ADAM10: variants seen among roughly 807,000 people sequenced by gnomAD.
The protein encoded by ADAM10 is disintegrin and metalloproteinase domain-containing protein 10.
A neutral mutation model predicts 90.1 loss-of-function variants in ADAM10; 17 were observed. The ratio of observed to expected loss-of-function variants is 0.19; its 90% CI spans 0.13 to 0.28. The LOEUF (loss-of-function observed/expected upper bound fraction) is 0.28. Among genes scored for constraint, ADAM10 ranks in the 10% least tolerant of loss-of-function variants. The pLI is 1.00. For synonymous variants in ADAM10, 310 were observed against 298.6 expected (o/e 1.04, Z -0.40); for missense variants, 610 against 914.3 (o/e 0.67, Z 4.29).
At chr15:58,734,764 C>A (rs1189613307) in intron 1 of ADAM10, among the ~76,000 whole-genome samples, 2 of 151,172 alleles carry the variant, frequency 1.3e-5, no homozygotes, top group Non-Finnish European at 3.0e-5. Context: ...TGGCAAAAAC[C>A]TTTCAAAAAC....
At chr15:58,743,651 C>A (rs1899686637) in intron 1 of ADAM10, among the ~76,000 whole-genome samples, 2 of 149,370 alleles carry the variant, frequency 1.3e-5, no homozygotes, top group Admixed American at 6.6e-5. Context: ...GTCGCCCAGG[C>A]TAGAGTGCAG....
Position 58,592,016 on chromosome 15 carries a change from C to T in ADAM10, c.*5531G>A, listed in dbSNP as rs1388325764. 6.6e-6 allele frequency: 1 copy of T among 152,200 alleles called. No homozygotes were observed. Among genetic ancestry groups the T allele is most frequent in the Non-Finnish European group, 1.5e-5 (1 of 68,060 alleles). 9.4% of individuals were successfully genotyped at this position (152,200 alleles called of 1,614,324 possible). On this transcript the variant is annotated 3_prime_UTR_variant, in exon 16 of 16. Transcript: ENST00000260408. ...CTGTTGTTGAAGCAGGACCATATGTCTTGTAGTTTTCCAGAGTCTGGATTT... is the reference window on the plus strand; with the variant it reads ...CTGTTGTTGAAGCAGGACCATATGTTTTGTAGTTTTCCAGAGTCTGGATTT...
At chr15:58,666,644 A>G (rs888914035) in intron 4 of ADAM10, among the ~76,000 whole-genome samples, 6 of 152,020 alleles carry the variant, frequency 3.9e-5, no homozygotes, top group Non-Finnish European at 8.8e-5. Flanking sequence ...AAACTCACTT[A>G]CCATTGGTTA....
chr15:58,653,993 C>CAT (rs1896749986), intron 5 of ADAM10, among the ~76,000 whole-genome samples: 1 of 152,052 alleles, frequency 6.6e-6, no homozygotes, highest in Non-Finnish European at 1.5e-5. Context: ...AATTTATTGG[C>CAT]ATATAGTTGC....
chr15:58,637,017 C>A (rs777955734), intron 8 of ADAM10, among the ~76,000 whole-genome samples: 6 of 152,148 alleles, frequency 3.9e-5, no homozygotes, highest in Non-Finnish European at 7.4e-5. Context: ...GCATTAAATG[C>A]CAATAGCAAG....
At chr15:58,597,976 A>G (rs1475382527) in intron 15 of ADAM10, among the ~76,000 whole-genome samples, 2 of 152,306 alleles carry the variant, frequency 1.3e-5, no homozygotes, top group Non-Finnish European at 1.5e-5. Context: ...GCACATTTCA[A>G]TGGAAACTAG....
chr15:58,728,666 T>A (rs930141055), intron 1 of ADAM10, among the ~76,000 whole-genome samples: 4 of 152,178 alleles, frequency 2.6e-5, no homozygotes, highest in African/African-American at 9.7e-5. Context: ...TTCCCTAAGA[T>A]ATAAAATTTA....
At chr15:58,711,240 AT>A (rs1898464053) in intron 2 of ADAM10, among the ~76,000 whole-genome samples, 1 of 152,228 alleles carries the variant, frequency 6.6e-6, no homozygotes, top group Admixed American at 6.5e-5. Context: ...CAAATCACAT[AT>A]TACATAAAAA....
rs1898710970 is a variant in ADAM10, at chr15:58,717,740, AAC to A, written c.56-15_56-14del. 1 of 1,608,606 alleles carries A rather than the reference AAC, an allele frequency of 6.2e-7. No individual in the cohort carries two copies. ...TTCCCATACTGACCTATAAAAAAAA[AAC>A]AACATTCTGAATTAGTATCATCTTG... is the stretch of plus-strand genomic sequence containing the variant. On this transcript the variant is annotated splice_polypyrimidine_tract_variant and intron_variant, in intron 1 of 15. Coordinates refer to ENST00000260408, the MANE Select transcript of ADAM10 (RefSeq NM_001110.4).
In ADAM10 at chr15:58,611,047, C is replaced by T. The variant is rs1895424921; in HGVS notation, c.1756G>A (p.Asp586Asn). Residue 586 changes from aspartate (D) to asparagine (N), a missense_variant, in exon 13 of 16, where the codon GAT becomes AAT. Asp to Asn is a conservative substitution (Grantham distance 23). This residue lies in a region of ADAM10 where 150 missense variants were observed against 268.5 expected (regional missense o/e 0.56). Transcript: ENST00000260408. ...CATAATTCTTTATCATCTTTGCCAT[C>T]AGAACTGGCACACGTACACTCCTCT... ...GLEECTCASS[D>N]GKDDKELCHV... 6.2e-7 allele frequency: 1 copy of T among 1,613,792 alleles called. No homozygotes were observed. The highest frequency in any genetic ancestry group is 1.3e-5 in the African/African-American group (1 of 74,910).
At chr15:58,739,394 G>A (rs1899530858) in intron 1 of ADAM10, among the ~76,000 whole-genome samples, 1 of 151,468 alleles carries the variant, frequency 6.6e-6, no homozygotes, top group South Asian at 2.1e-4. Flanking sequence ...GCAGGTGCTT[G>A]TAGTCCCAGC....
chr15:58,621,894 G>C (rs1353099519), intron 10 of ADAM10, among the ~76,000 whole-genome samples: 5 of 152,060 alleles, frequency 3.3e-5, no homozygotes, highest in African/African-American at 1.2e-4. Context: ...TTGCAACTTA[G>C]GCCATGCTAC....
chr15:58,600,106 GT>G (rs1895068434), intron 14 of ADAM10, among the ~76,000 whole-genome samples: 1 of 139,800 alleles, frequency 7.2e-6, no homozygotes, highest in Admixed American at 6.8e-5. Flanking sequence ...TATTGCCTTT[GT>G]TTTTTCCCCT....
chr15:58,702,284 G>A (rs1436807755), intron 2 of ADAM10, among the ~76,000 whole-genome samples: 1 of 152,168 alleles, frequency 6.6e-6, no homozygotes, highest in Non-Finnish European at 1.5e-5. Context: ...ATAGATACCA[G>A]TGGCTAGCAA....
chr15:58,717,199 T>G (rs1898688925), intron 2 of ADAM10, among the ~76,000 whole-genome samples: 1 of 152,080 alleles, frequency 6.6e-6, no homozygotes, highest in African/African-American at 2.4e-5. Context: ...TAAAACTGAG[T>G]AAATGATGTA....
chr15:58,726,726 A>G (rs1440158654), intron 1 of ADAM10, among the ~76,000 whole-genome samples: 1 of 151,958 alleles, frequency 6.6e-6, no homozygotes, highest in Non-Finnish European at 1.5e-5. Flanking sequence ...CCAGCTGAGT[A>G]CATTAGTGTG....
At chr15:58,681,971 T>G (rs757566997) in intron 3 of ADAM10, among the ~76,000 whole-genome samples, 24 of 152,114 alleles carry the variant, frequency 1.6e-4, no homozygotes, top group Non-Finnish European at 3.2e-4. Context: ...GAGTCAAAAT[T>G]TCACCCCTTT....
At chr15:58,701,126 A>C (rs1898125135) in intron 2 of ADAM10, among the ~76,000 whole-genome samples, 1 of 151,956 alleles carries the variant, frequency 6.6e-6, no homozygotes, top group Admixed American at 6.6e-5. Context: ...AAAATCAATG[A>C]CCACTTGCTA....
chr15:58,609,028 T>A (rs1471963569), intron 14 of ADAM10: 9 of 151,690 alleles, frequency 5.9e-5, no homozygotes, highest in Admixed American at 5.9e-4. Context: ...AATAGCTGAG[T>A]TGAAAATAAA....
Sources: gnomAD v4.1 joint callset for allele counts (sites outside exome capture counted in the v4.1 genomes callset) on GRCh38, gnomAD v4.1.1 for gene constraint, gnomAD v4.1.1 regional missense constraint, MANE v1.5 for transcripts, NCBI Gene and HGNC (gene_info 2026-07-23, HGNC 2026-07-21) for gene names.